HSD17B4: variants seen among roughly 807,000 people sequenced by gnomAD.
HSD17B4 encodes the protein peroxisomal multifunctional enzyme type 2.
A neutral mutation model predicts 101.0 loss-of-function variants in HSD17B4; 70 were observed. The ratio of observed to expected loss-of-function variants is 0.69; its 90% CI spans 0.57 to 0.85. The LOEUF is 0.85. HSD17B4 is among the 40% of genes least tolerant of loss of function. The pLI, the probability that HSD17B4 is intolerant of heterozygous loss-of-function variation, is 0.00. For synonymous variants in HSD17B4, 347 were observed against 297.1 expected (o/e 1.17, Z -1.73); for missense variants, 984 against 892.4 (o/e 1.10, Z -1.31).
Position 119,475,872 on chromosome 5 carries a change from TA to T in HSD17B4, c.349+4del. 3 of 1,586,508 alleles carry T rather than the reference TA, an allele frequency of 1.9e-6. No individual in the cohort carries two copies. Among genetic ancestry groups the T allele is most frequent in the Non-Finnish European group, 2.6e-6 (3 of 1,154,992 alleles). ...CTAGGATAAGTGATGAAGACTGGGGTAAGTTGTTTTTAGTATTTCTCTGGGG... is the reference window on the plus strand; with the variant it reads ...CTAGGATAAGTGATGAAGACTGGGGTAGTTGTTTTTAGTATTTCTCTGGGG... On this transcript the variant is annotated splice_donor_region_variant and intron_variant, in intron 6 of 23. Coordinates refer to ENST00000510025, the MANE Select transcript of HSD17B4 (RefSeq NM_000414.4).
At chr5:119,456,255 C>T (rs922379497) in intron 1 of HSD17B4, 60 bp from the exon 2 acceptor site, 42 of 1,113,358 alleles carry the variant, frequency 3.8e-5, no homozygotes, top group Non-Finnish European at 5.5e-5. Flanking sequence ...TTGAGTTGAG[C>T]GGACCAAAAA....
At chr5:119,507,332 C>T (rs1467900469) in intron 15 of HSD17B4, among the ~76,000 whole-genome samples, 1 of 152,150 alleles carries the variant, frequency 6.6e-6, no homozygotes, top group Non-Finnish European at 1.5e-5. Flanking sequence ...AGTTAGGCTC[C>T]TAGACTTGTG....
intron 8 of HSD17B4, among the ~76,000 whole-genome samples, chr5:119,482,463 T>C (rs2636960): frequency 0.021 from 3,155 of 152,284 alleles, 95 homozygotes; most frequent in African/African-American, 0.071. Flanking sequence ...CTGGTTCTAA[T>C]GTTTGTCTCT....
chr5:119,483,252 T>C (rs1197892938), intron 8 of HSD17B4, among the ~76,000 whole-genome samples: 2 of 152,184 alleles, frequency 1.3e-5, no homozygotes, highest in South Asian at 4.1e-4. Context: ...TTAAGTGTTC[T>C]AACTGCTTGG....
At chr5:119,455,801 A>G (rs368254849) in intron 1 of HSD17B4, among the ~76,000 whole-genome samples, 5 of 152,108 alleles carry the variant, frequency 3.3e-5, no homozygotes, top group Admixed American at 6.6e-5. Context: ...AGAGGAGGCA[A>G]TACCTCTGAG....
rs1485111988 is a variant in HSD17B4 at position 119,497,934 on chromosome 5, T to C, written c.972+1288T>C. Among the ~76,000 whole-genome samples the C allele has an allele frequency of 2.0e-5, 3 of 152,174 alleles. No individual in the cohort carries two copies. The East Asian group carries it at 5.8e-4, about 29-fold the overall frequency. The stretch of plus-strand genomic sequence containing the variant: ...TTCTGACTCTTTAGAAAAGGATATC[T>C]AGTTTAGTGCTCTTTTGGGTCCGTT... On this transcript the variant is annotated intron_variant, in intron 12 of 23. Transcript: ENST00000510025.
chr5:119,490,460 A>G (rs1750000069), intron 9 of HSD17B4, among the ~76,000 whole-genome samples: 1 of 152,252 alleles, frequency 6.6e-6, no homozygotes, highest in African/African-American at 2.4e-5. Flanking sequence ...AAGACCATAT[A>G]AAAAATAAAA....
At chr5:119,534,088 G>C (rs1283722118) in intron 22 of HSD17B4, among the ~76,000 whole-genome samples, 3 of 151,966 alleles carry the variant, frequency 2.0e-5, no homozygotes, top group Non-Finnish European at 4.4e-5. Context: ...AGCAAAATCT[G>C]TTTTGTTTTC....
At position 119,474,381 on chromosome 5, in the gene HSD17B4, C is replaced by T. The variant is rs1055643070; in HGVS notation, c.221-20C>T. ...GAAGGGAGGTTGCCGAAATTTCATA[C>T]AAATTTTCCTTTCCCTCAGATTCAG... is the stretch of plus-strand genomic sequence containing the variant. On this transcript the variant is annotated intron_variant, in intron 3 of 23. Transcript: ENST00000510025. 2 of 1,575,680 alleles carry T rather than the reference C, an allele frequency of 1.3e-6. No individual in the cohort carries two copies. Among genetic ancestry groups the T allele is most frequent in the African/African-American group, 2.7e-5 (2 of 74,130 alleles).
chr5:119,485,003 A>G (rs35315796), intron 8 of HSD17B4, among the ~76,000 whole-genome samples: 4 of 152,198 alleles, frequency 2.6e-5, no homozygotes, highest in South Asian at 4.1e-4. Context: ...ACAAAACAGT[A>G]TAGGTTATAG....
intron 8 of HSD17B4, among the ~76,000 whole-genome samples, chr5:119,483,674 A>G (rs1749350321): frequency 6.6e-6 from 1 of 152,200 alleles, no homozygotes; most frequent in Non-Finnish European, 1.5e-5. Flanking sequence ...AAGAAAGTTA[A>G]GAACTGTTTG....
At chr5:119,488,140 C>A (rs972178300) in intron 8 of HSD17B4, among the ~76,000 whole-genome samples, 1 of 152,072 alleles carries the variant, frequency 6.6e-6, no homozygotes, top group Non-Finnish European at 1.5e-5. Flanking sequence ...AATTGTATCT[C>A]ATTTGAGCCT....
At chr5:119,458,765 A>C (rs1754926635) in intron 2 of HSD17B4, among the ~76,000 whole-genome samples, 1 of 152,196 alleles carries the variant, frequency 6.6e-6, no homozygotes, top group Non-Finnish European at 1.5e-5. Context: ...AGAACTGCTA[A>C]GCCTTAGGCT....
chr5:119,522,031 C>T (rs1321411918), intron 17 of HSD17B4, among the ~76,000 whole-genome samples: 1 of 151,852 alleles, frequency 6.6e-6, no homozygotes, highest in Non-Finnish European at 1.5e-5. Context: ...TGGTGTGCTG[C>T]ACCCGTTAAC....
At position 119,471,095 on chromosome 5, in the gene HSD17B4, T is replaced by G. The variant is rs370250424; in HGVS notation, c.113-2813T>G. Among the ~76,000 whole-genome samples the G allele has an allele frequency of 8.5e-4, 130 of 152,358 alleles. 1 individual carries two copies. Among genetic ancestry groups the G allele is most frequent in the African/African-American group, 2.8e-3 (118 of 41,592 alleles). On this transcript the variant is annotated intron_variant, in intron 2 of 23. Coordinates refer to ENST00000510025, the MANE Select transcript of HSD17B4 (RefSeq NM_000414.4). Reference sequence around the variant, plus strand: ...CTTTCTTCACTTAAGTATCACGTTTTCTAATTTGCTTTTGAACTTTCTTGT... The same window carrying G: ...CTTTCTTCACTTAAGTATCACGTTTGCTAATTTGCTTTTGAACTTTCTTGT...
chr5:119,483,334 G>A (rs970122019), intron 8 of HSD17B4, among the ~76,000 whole-genome samples: 1 of 152,084 alleles, frequency 6.6e-6, no homozygotes, highest in African/African-American at 2.4e-5. Flanking sequence ...CCTGATGGTG[G>A]TTTGCCCTGT....
intron 2 of HSD17B4, among the ~76,000 whole-genome samples, chr5:119,466,456 G>A (rs888995932): frequency 1.3e-5 from 2 of 152,074 alleles, no homozygotes; most frequent in African/African-American, 4.8e-5. Context: ...TCTTTCTTGG[G>A]AGACTTTTTA....
chr5:119,526,081 G>T, intron 19 of HSD17B4, 58 bp downstream of exon 19: 3 of 966,706 alleles, frequency 3.1e-6, no homozygotes, highest in Non-Finnish European at 5.1e-6. Flanking sequence ...CTTTAGAGAA[G>T]AAAAGGGGTT....
Position 119,474,002 on chromosome 5 carries a change from A to G in HSD17B4, c.207A>G (p.Ala69=), listed in dbSNP as rs1748315534. 6.3e-7 allele frequency: 1 copy of G among 1,580,730 alleles called. No individual in the cohort carries two copies. ...AAATAAGAAGGAGAGGTGGAAAAGC[A>G]GTGGCCAACTATGGTATGGTATTTG... is the stretch of plus-strand genomic sequence containing the variant. ...VEEIRRRGGK[A]VANYDSVEEG... Residue 69 remains alanine (A), a synonymous_variant, in exon 3 of 24, where the codon GCA becomes GCG. Transcript: ENST00000510025.
Sources: allele counts gnomAD v4.1 joint callset (sites outside exome capture counted in the v4.1 genomes callset), GRCh38; gene constraint gnomAD v4.1.1; transcripts MANE v1.5; gene names NCBI Gene and HGNC (gene_info 2026-07-23, HGNC 2026-07-21).